Variants in DOCK10 observed in about 807,000 individuals in gnomAD.
The protein encoded by DOCK10 is dedicator of cytokinesis protein 10.
In DOCK10, 145 loss-of-function variants were observed where a neutral mutation model predicts 280.1. That is an observed-to-expected ratio of 0.52 (90% CI 0.45 to 0.59). The LOEUF is 0.59. DOCK10 is among the 20% of genes least tolerant of loss of function. The pLI is 0.00. For missense variants in DOCK10, 2,368 were observed against 2,651.7 expected (o/e 0.89, Z 2.35); for synonymous variants, 915 against 942.2 (o/e 0.97, Z 0.53).
intron 50 of DOCK10, among the ~76,000 whole-genome samples, chr2:224,785,698 T>A (rs1691685836): frequency 6.6e-6 from 1 of 152,128 alleles, no homozygotes; most frequent in African/African-American, 2.4e-5. Flanking sequence ...GCCAGGATGG[T>A]CTCGATCTCC....
intron 1 of DOCK10, among the ~76,000 whole-genome samples, chr2:225,011,839 C>A (rs10933075): frequency 0.74 from 112,247 of 151,974 alleles, 42,389 homozygotes; most frequent in Middle Eastern, 0.87. Context: ...CAGCGTAAGC[C>A]GAAGTACCCA....
chr2:225,030,245 A>G (rs1690039914), intron 1 of DOCK10, among the ~76,000 whole-genome samples: 1 of 152,174 alleles, frequency 6.6e-6, no homozygotes, highest in Non-Finnish European at 1.5e-5. Context: ...GAGCAGAGTC[A>G]TTACAATGCT....
At chr2:224,782,625 C>G (rs369847734) in intron 50 of DOCK10, among the ~76,000 whole-genome samples, 2 of 152,150 alleles carry the variant, frequency 1.3e-5, no homozygotes, top group South Asian at 2.1e-4. Context: ...TTTTAAAGTT[C>G]CTGCTATGAA....
chr2:225,008,995 T>C (rs1689355258), intron 1 of DOCK10, among the ~76,000 whole-genome samples: 1 of 152,206 alleles, frequency 6.6e-6, no homozygotes, highest in East Asian at 1.9e-4. Flanking sequence ...CATGTTAAGA[T>C]GAAGGCTCTA....
At chr2:224,901,554 A>G (rs1176021592) in intron 3 of DOCK10, among the ~76,000 whole-genome samples, 1 of 152,196 alleles carries the variant, frequency 6.6e-6, no homozygotes, top group Non-Finnish European at 1.5e-5. Context: ...CAAAGTCAAC[A>G]TGGTCAAAGG....
intron 22 of DOCK10, among the ~76,000 whole-genome samples, chr2:224,843,557 G>A (rs1559539837): frequency 6.6e-6 from 1 of 152,148 alleles, no homozygotes. Flanking sequence ...CTCAGAGGTT[G>A]CCGAGAGAAA....
intron 11 of DOCK10, among the ~76,000 whole-genome samples, chr2:224,867,099 C>CAA (rs1258234735): frequency 2.6e-5 from 4 of 151,592 alleles, no homozygotes; most frequent in African/African-American, 9.8e-5. Context: ...CACACACACA[C>CAA]ACACACACAA....
intron 11 of DOCK10, among the ~76,000 whole-genome samples, chr2:224,867,980 G>A (rs1305560574): frequency 1.3e-5 from 2 of 152,202 alleles, no homozygotes; most frequent in Non-Finnish European, 2.9e-5. Flanking sequence ...CATCCCAGTG[G>A]CAGTTGGATG....
At chr2:224,773,072 ATTC>A in intron 53 of DOCK10, 82 bp downstream of exon 53, 1 of 1,243,526 alleles carries the variant, frequency 8.0e-7, no homozygotes, top group Non-Finnish European at 1.1e-6. Context: ...TGTTTCTTAT[ATTC>A]TTTGTAAACA....
intron 1 of DOCK10, among the ~76,000 whole-genome samples, chr2:224,955,565 T>C (rs76455265): frequency 0.036 from 5,427 of 152,316 alleles, 144 homozygotes; most frequent in Non-Finnish European, 0.05. Flanking sequence ...CGTAATGCAT[T>C]TGTGTCTTTT....
chr2:224,870,687 A>T (rs1410407010), intron 11 of DOCK10, among the ~76,000 whole-genome samples: 1 of 151,880 alleles, frequency 6.6e-6, no homozygotes, highest in Non-Finnish European at 1.5e-5. Flanking sequence ...CATTCTTCAG[A>T]TATTTTATTT....
At chr2:224,827,388 T>C (rs1314274425) in intron 27 of DOCK10, among the ~76,000 whole-genome samples, 1 of 151,958 alleles carries the variant, frequency 6.6e-6, no homozygotes, top group Non-Finnish European at 1.5e-5. Context: ...GGGTTACCAC[T>C]GAAAGGGGTC....
At chr2:224,874,568 T>C in intron 9 of DOCK10, 98 bp downstream of exon 9, 1 of 1,247,244 alleles carries the variant, frequency 8.0e-7, no homozygotes, top group Non-Finnish European at 1.2e-6. Flanking sequence ...AGCTTCTTGG[T>C]CTAAATCTTA....
At position 225,015,967 on chromosome 2, in the gene DOCK10, A is replaced by AAATTTC. The variant is rs574846744; in HGVS notation, c.123+26279_123+26284dup. Among the ~76,000 whole-genome samples the AAATTTC allele has an allele frequency of 3.4e-3, 512 of 152,320 alleles. 4 individuals are homozygous for AAATTTC. The highest frequency in any genetic ancestry group is 0.012 in the African/African-American group (493 of 41,566). ...GCTAAAATAAGACCATTTTAGCTGG[A>AAATTTC]AATTTCATTCAAACTCTCTAAGCTT... is the stretch of plus-strand genomic sequence containing the variant. On this transcript the variant is annotated intron_variant, in intron 1 of 55. Transcript: ENST00000258390.
intron 1 of DOCK10, among the ~76,000 whole-genome samples, chr2:224,945,228 T>G (rs939106601): frequency 6.6e-6 from 1 of 152,170 alleles, no homozygotes; most frequent in African/African-American, 2.4e-5. Context: ...AAGTTAAAAA[T>G]AATCTCAAAC....
chr2:224,816,469 C>A, intron 30 of DOCK10, 148 bp downstream of exon 30: 1 of 586,742 alleles, frequency 1.7e-6, no homozygotes, highest in Non-Finnish European at 3.1e-6. Context: ...TAATTTAATT[C>A]TGATTACCTG....
chr2:224,908,595 C>G (rs1241162096), intron 3 of DOCK10, among the ~76,000 whole-genome samples: 1 of 152,176 alleles, frequency 6.6e-6, no homozygotes, highest in Non-Finnish European at 1.5e-5. Context: ...TTCCTGAGCT[C>G]AAGCCATCCT....
chr2:224,773,861 A>G (rs1574790410), intron 52 of DOCK10, among the ~76,000 whole-genome samples: 1 of 151,428 alleles, frequency 6.6e-6, no homozygotes, highest in African/African-American at 2.4e-5. Context: ...TGATCTCTTG[A>G]CCTCATGATC....
In DOCK10 at chr2:224,794,909, C is replaced by T. The variant is rs369447209; in HGVS notation, c.5124G>A (p.Lys1708=). The change falls in exon 45 of 56, where the codon AAG becomes AAA. Residue 1708 remains lysine (K), a synonymous_variant. Transcript: ENST00000258390. ...LRRTWLESMA[K]IHARNGDLSE... ...ATAAATCTCCGTTTCTGGCATGAATCTTGGCCATACTTTCCAGCCAGGTCC... is the reference window on the plus strand; with the variant it reads ...ATAAATCTCCGTTTCTGGCATGAATTTTGGCCATACTTTCCAGCCAGGTCC... The T allele has an allele frequency of 2.2e-5, 35 of 1,613,796 alleles. No homozygotes were observed. The highest frequency in any genetic ancestry group is 3.3e-5 in the Admixed American group (2 of 60,010).
Sources: allele counts gnomAD v4.1 joint callset (sites outside exome capture counted in the v4.1 genomes callset), GRCh38; gene constraint gnomAD v4.1.1; transcripts MANE v1.5; gene names NCBI Gene and HGNC (gene_info 2026-07-23, HGNC 2026-07-21).